Variants in DRC1 observed in about 807,000 individuals in gnomAD.
The protein encoded by DRC1 is dynein regulatory complex subunit 1.
Under a neutral mutation model 98.7 loss-of-function variants are expected in DRC1, and 74 were observed. The observed-to-expected ratio is 0.75, with a 90% confidence interval of 0.62 to 0.91. DRC1 has a LOEUF of 0.91. DRC1 is among the 40% of genes least tolerant of loss of function. The probability of loss-of-function intolerance (pLI) is 0.00; values close to 1 mark genes in which losing one functional copy is unlikely to be tolerated. For synonymous variants in DRC1, 336 were observed against 334.1 expected (o/e 1.01, Z -0.06); for missense variants, 875 against 886.0 (o/e 0.99, Z 0.16).
intron 9 of DRC1, 71 bp downstream of exon 9, chr2:26,444,427 T>A: frequency 6.4e-6 from 10 of 1,560,720 alleles, no homozygotes; most frequent in Non-Finnish European, 8.6e-6. Flanking sequence ...TTGTACAAGC[T>A]GTGATTTCGT....
At chr2:26,430,510 C>G (rs1663404718) in intron 5 of DRC1, 1 of 542,812 alleles carries the variant, frequency 1.8e-6, no homozygotes, top group Non-Finnish European at 3.7e-6. Flanking sequence ...GGGGCACTGG[C>G]CTTCCTCCAG....
intron 1 of DRC1, among the ~76,000 whole-genome samples, chr2:26,406,325 T>G (rs1678425920): frequency 6.6e-6 from 1 of 152,230 alleles, no homozygotes; most frequent in African/African-American, 2.4e-5. Flanking sequence ...CACCCCTCGG[T>G]TGCCTGTGAT....
At chr2:26,411,562 A>T (rs199866670) in intron 1 of DRC1, among the ~76,000 whole-genome samples, 5 of 51,082 alleles carry the variant, frequency 9.8e-5, no homozygotes, top group Non-Finnish European at 4.4e-4. Flanking sequence ...GATGAGATTT[A>T]AGTTAATAGT....
At chr2:26,448,500 C>T (rs1056101295) in intron 10 of DRC1, 191 bp from the exon 11 acceptor site, 8 of 710,972 alleles carry the variant, frequency 1.1e-5, no homozygotes, top group African/African-American at 8.8e-5. Flanking sequence ...TCTCTGATTC[C>T]GACCCCCTAG....
At chr2:26,447,361 C>T (rs1042620010) in intron 10 of DRC1, among the ~76,000 whole-genome samples, 5 of 151,746 alleles carry the variant, frequency 3.3e-5, no homozygotes, top group Non-Finnish European at 5.9e-5. Context: ...TGCAGTCAGC[C>T]GAGATTATGC....
chr2:26,429,649 C>A lies in DRC1; in HGVS notation c.562C>A (p.Gln188Lys). ...CTAGGAGTTAAAAACAAAGGATGAC[C>A]AGTATGTGAAGGATTTGAAGAAACA... ...LQQELKTKDD[Q>K]YVKDLKKQSD... Residue 188 changes from glutamine to lysine, a missense_variant, in exon 5 of 17, where the codon CAG becomes AAG. Coordinates refer to ENST00000288710, the MANE Select transcript of DRC1 (RefSeq NM_145038.5). 3 of 1,613,948 alleles carry A rather than the reference C, an allele frequency of 1.9e-6. No individual in the cohort carries two copies. Among genetic ancestry groups the A allele is most frequent in the Non-Finnish European group, 2.5e-6 (3 of 1,179,972 alleles).
At chr2:26,439,922 AAT>A (rs60317791) in intron 7 of DRC1, among the ~76,000 whole-genome samples, 863 of 43,430 alleles carry the variant, frequency 0.02, 118 homozygotes, top group Middle Eastern at 0.087. Flanking sequence ...CTAGTGTGTG[AAT>A]ATATATATAT....
At chr2:26,432,718 A>T (rs1481804670) in intron 7 of DRC1, among the ~76,000 whole-genome samples, 1 of 152,226 alleles carries the variant, frequency 6.6e-6, no homozygotes, top group Non-Finnish European at 1.5e-5. Context: ...TGTGTCAGAG[A>T]GCCAAAGCTA....
chr2:26,447,806 A>G (rs1663896379), intron 10 of DRC1, among the ~76,000 whole-genome samples: 1 of 151,098 alleles, frequency 6.6e-6, no homozygotes, highest in Non-Finnish European at 1.5e-5. Flanking sequence ...ACCTCAAGTG[A>G]TCCACCTGCC....
rs550253482 is a variant in DRC1 at position 26,449,037 on chromosome 2, A to G, written c.1509+234A>G. The stretch of plus-strand genomic sequence containing the variant: ...AAAATGGGTCTAACCTTGGTTGGCC[A>G]GCATGGCATAGTTTAGGCCAGCTGG... On this transcript the variant is annotated intron_variant, in intron 11 of 16. Coordinates refer to ENST00000288710, the MANE Select transcript of DRC1 (RefSeq NM_145038.5). Among the ~76,000 whole-genome samples, 57 of 152,382 alleles carry G rather than the reference A, an allele frequency of 3.7e-4. 1 individual carries two copies. In the Middle Eastern group the frequency reaches 0.017, roughly 45 times the overall value.
Position 26,435,520 on chromosome 2 carries a change from G to A in DRC1, c.888+3514G>A, listed in dbSNP as rs142023161. 2.9e-3 allele frequency among the ~76,000 whole-genome samples: 444 copies of A among 152,206 alleles called. 1 individual carries two copies. The highest frequency in any genetic ancestry group is 3.7e-3 in the Non-Finnish European group (254 of 68,026). On this transcript the variant is annotated intron_variant, in intron 7 of 16. Coordinates refer to ENST00000288710, the MANE Select transcript of DRC1 (RefSeq NM_145038.5). Reference sequence around the variant, plus strand: ...TGCTGTACAGATTATTTCATTACCCGGGTAATAAGCATAGTACTCGATAGG... The same window carrying A: ...TGCTGTACAGATTATTTCATTACCCAGGTAATAAGCATAGTACTCGATAGG...
At chr2:26,440,006 C>A (rs1663676257) in intron 7 of DRC1, among the ~76,000 whole-genome samples, 2 of 142,402 alleles carry the variant, frequency 1.4e-5, no homozygotes, top group African/African-American at 5.1e-5. Context: ...TCAGAGCATA[C>A]CTTTATTTGC....
rs375961396 is a variant in DRC1, at chr2:26,414,426, C to T, written c.238C>T (p.Arg80Ter). The T allele has an allele frequency of 1.9e-5, 30 of 1,612,800 alleles. No individual in the cohort carries two copies. The highest frequency in any genetic ancestry group is 1.6e-5 in the Non-Finnish European group (19 of 1,179,416). Reference protein sequence around the residue: ...SKSYKQKEESRLKLAKLLLCG... With the variant: ...SKSYKQKEES ...GAGCTACAAACAGAAAGAAGAAAGC[C>T]GATTGGTATGAACTGGTTGGCAGAT... Residue 80 changes from arginine to a stop codon, truncating the protein, a stop_gained, in exon 2 of 17, where the codon CGA (arginine) becomes TGA (stop). Coordinates refer to ENST00000288710, the MANE Select transcript of DRC1 (RefSeq NM_145038.5). LOFTEE classifies it high-confidence loss of function.
rs372284377 is a variant in DRC1, at chr2:26,453,470, C to G, written c.1840C>G (p.Pro614Ala). Residue 614 changes from proline to alanine, a missense_variant, in exon 14 of 17, where the codon CCA (proline) becomes GCA (alanine). Coordinates refer to ENST00000288710, the MANE Select transcript of DRC1 (RefSeq NM_145038.5). ...EGEKEEEEET[P>A]PSPWVIHPND... Reference sequence around the variant, plus strand: ...GGAGAAGGAGGAAGAGGAGGAGACCCCACCCTCCCCCTGGGTCATCCACCC... The same window carrying G: ...GGAGAAGGAGGAAGAGGAGGAGACCGCACCCTCCCCCTGGGTCATCCACCC... 6.6e-5 allele frequency: 107 copies of G among 1,614,052 alleles called. No individual in the cohort carries two copies. The African/African-American group carries it at 1.1e-3, about 17-fold the overall frequency.
chr2:26,431,823 G>A (rs562212282), intron 6 of DRC1, 61 bp from the exon 7 acceptor site: 54 of 1,600,816 alleles, frequency 3.4e-5, no homozygotes, highest in African/African-American at 1.7e-4. Context: ...CAGGCCATCC[G>A]AAGGATTGAG....
rs754738733 is a variant in DRC1, at chr2:26,456,448, C to G, written c.2167-13C>G. 4.4e-5 allele frequency: 71 copies of G among 1,613,916 alleles called. No individual in the cohort carries two copies. Among genetic ancestry groups the G allele is most frequent in the Non-Finnish European group, 4.9e-5 (58 of 1,179,944 alleles). ...TGGGAAAAATGTAACGACTTTCACCCTTTCTTTTCCAGATCAACTCTGAAC... is the reference window on the plus strand; with the variant it reads ...TGGGAAAAATGTAACGACTTTCACCGTTTCTTTTCCAGATCAACTCTGAAC... On this transcript the variant is annotated splice_polypyrimidine_tract_variant and intron_variant, in intron 16 of 16. Coordinates refer to ENST00000288710, the MANE Select transcript of DRC1 (RefSeq NM_145038.5).
At chr2:26,434,103 G>A (rs1222099850) in intron 7 of DRC1, among the ~76,000 whole-genome samples, 1 of 152,138 alleles carries the variant, frequency 6.6e-6, no homozygotes, top group African/African-American at 2.4e-5. Flanking sequence ...TTTGCTCTTT[G>A]CAACTAATGC....
chr2:26,420,403 C>G (rs1663096258), intron 2 of DRC1, among the ~76,000 whole-genome samples: 1 of 151,972 alleles, frequency 6.6e-6, no homozygotes, highest in South Asian at 2.1e-4. Flanking sequence ...GCCTCACTGT[C>G]ATTATCTGCC....
chr2:26,422,215 A>G (rs995391425), intron 3 of DRC1, among the ~76,000 whole-genome samples: 1 of 152,212 alleles, frequency 6.6e-6, no homozygotes, highest in Non-Finnish European at 1.5e-5. Flanking sequence ...GTGCTTGGGA[A>G]TGGCATGATA....
Sources: allele counts gnomAD v4.1 joint callset (sites outside exome capture counted in the v4.1 genomes callset), GRCh38; gene constraint gnomAD v4.1.1; transcripts MANE v1.5; gene names NCBI Gene and HGNC (gene_info 2026-07-23, HGNC 2026-07-21).